EFNA5: variants seen among roughly 807,000 people sequenced by gnomAD.
EFNA5 encodes the protein ephrin A5, also known as ephrin-A5.
A neutral mutation model predicts 22.9 loss-of-function variants in EFNA5; 5 were observed. That is an observed-to-expected ratio of 0.22 (90% CI 0.11 to 0.46). The LOEUF (loss-of-function observed/expected upper bound fraction) is 0.46, where lower values mean the gene tolerates loss of function less well. EFNA5 is among the 20% of genes least tolerant of loss of function. EFNA5 has a pLI of 0.99. For missense variants in EFNA5, 237 were observed against 293.3 expected, an observed-to-expected ratio of 0.81 and a Z score of 1.40; for synonymous variants, 113 against 112.2, an observed-to-expected ratio of 1.01 and a Z score of -0.04.
chr5:107,499,030 G>A (rs1038797414), intron 1 of EFNA5, among the ~76,000 whole-genome samples: 5 of 151,702 alleles, frequency 3.3e-5, no homozygotes, highest in African/African-American at 9.7e-5. Flanking sequence ...CTTTTACTGT[G>A]AGATTTCCAT....
chr5:107,510,472 A>C (rs545613228), intron 1 of EFNA5, among the ~76,000 whole-genome samples: 8 of 152,160 alleles, frequency 5.3e-5, no homozygotes, highest in Admixed American at 3.3e-4. Context: ...TTATTCCTTT[A>C]CTTTCCTTTC....
At chr5:107,454,908 G>A (rs1561393681) in intron 1 of EFNA5, among the ~76,000 whole-genome samples, 1 of 152,160 alleles carries the variant, frequency 6.6e-6, no homozygotes, top group East Asian at 1.9e-4. Context: ...AGAGAGGGAA[G>A]GAAGCTTTTA....
At chr5:107,577,116 A>G (rs916005889) in intron 1 of EFNA5, among the ~76,000 whole-genome samples, 3 of 152,210 alleles carry the variant, frequency 2.0e-5, no homozygotes, top group African/African-American at 7.2e-5. Context: ...AGATTGTGAA[A>G]TGTAAATCAG....
intron 1 of EFNA5, among the ~76,000 whole-genome samples, chr5:107,580,739 AAGAAAAG>A (rs1319418026): frequency 4.6e-4 from 64 of 140,522 alleles, no homozygotes; most frequent in South Asian, 6.5e-4. Context: ...AAAAAAAAAA[AAGAAAAG>A]AAAAGAAAAG....
chr5:107,413,137 A>C (rs377125306), intron 2 of EFNA5, among the ~76,000 whole-genome samples: 155 of 152,216 alleles, frequency 1.0e-3, no homozygotes, highest in African/African-American at 3.7e-3. Context: ...CAACTCTCCA[A>C]ACCTAATGAA....
At chr5:107,643,309 G>A (rs1338449242) in intron 1 of EFNA5, among the ~76,000 whole-genome samples, 1 of 152,184 alleles carries the variant, frequency 6.6e-6, no homozygotes, top group Non-Finnish European at 1.5e-5. Flanking sequence ...GCTGGTCATA[G>A]ATTCAAATCC....
intron 1 of EFNA5, among the ~76,000 whole-genome samples, chr5:107,647,624 T>G (rs140797825): frequency 6.6e-6 from 1 of 152,150 alleles, no homozygotes; most frequent in East Asian, 1.9e-4. Flanking sequence ...AACAAGGAAA[T>G]GAAAAACATT....
chr5:107,397,270 G>C (rs140372234), intron 2 of EFNA5, among the ~76,000 whole-genome samples: 2 of 152,238 alleles, frequency 1.3e-5, no homozygotes, highest in East Asian at 1.9e-4. Context: ...AACAAAACAG[G>C]CTGGGCGTGG....
chr5:107,618,006 CA>C (rs894918661), intron 1 of EFNA5, among the ~76,000 whole-genome samples: 1 of 150,254 alleles, frequency 6.7e-6, no homozygotes. Flanking sequence ...CTGTTTAAAA[CA>C]AAAAAAATCA....
intron 1 of EFNA5, among the ~76,000 whole-genome samples, chr5:107,578,030 T>C (rs1377968679): frequency 1.3e-5 from 2 of 152,208 alleles, no homozygotes; most frequent in African/African-American, 2.4e-5. Context: ...TTCTCAACTT[T>C]TGGTGAGGCC....
chr5:107,605,761 C>T (rs1162914594), intron 1 of EFNA5, among the ~76,000 whole-genome samples: 1 of 152,134 alleles, frequency 6.6e-6, no homozygotes, highest in African/African-American at 2.4e-5. Context: ...TTACAAGAAC[C>T]TCCCTTTTCC....
chr5:107,577,124 C>T (rs1045578338), intron 1 of EFNA5, among the ~76,000 whole-genome samples: 1 of 152,170 alleles, frequency 6.6e-6, no homozygotes, highest in Non-Finnish European at 1.5e-5. Context: ...AAATGTAAAT[C>T]AGAATACCTT....
intron 1 of EFNA5, among the ~76,000 whole-genome samples, chr5:107,642,100 A>G (rs1211658374): frequency 1.3e-5 from 2 of 152,222 alleles, no homozygotes; most frequent in Admixed American, 1.3e-4. Context: ...TCAATGACTT[A>G]GTAAAATCAT....
chr5:107,520,324 C>G lies in EFNA5; in HGVS notation c.126-92815G>C, dbSNP rs145501977. Among the ~76,000 whole-genome samples the G allele has an allele frequency of 2.0e-5, 3 of 152,298 alleles. No homozygotes were observed. In the East Asian group the frequency reaches 5.8e-4, roughly 29 times the overall value. The stretch of plus-strand genomic sequence containing the variant: ...AGTGAGAAAAGGGTGGGGCCCTTCA[C>G]TCTCAATACAATAAAGTCCTCTTAA... On this transcript the variant is annotated intron_variant, in intron 1 of 4. Transcript: ENST00000333274.
chr5:107,656,442 T>A (rs12514246), intron 1 of EFNA5, among the ~76,000 whole-genome samples: 1 of 152,056 alleles, frequency 6.6e-6, no homozygotes, highest in Non-Finnish European at 1.5e-5. Flanking sequence ...GAACAACATA[T>A]ATTACAAAAT....
intron 1 of EFNA5, among the ~76,000 whole-genome samples, chr5:107,532,673 G>A (rs1747838715): frequency 1.3e-5 from 2 of 152,332 alleles, no homozygotes; most frequent in Non-Finnish European, 2.9e-5. Context: ...CCGAATCTGA[G>A]TGAGGAAGGC....
At chr5:107,487,066 T>C (rs1746649115) in intron 1 of EFNA5, among the ~76,000 whole-genome samples, 1 of 152,176 alleles carries the variant, frequency 6.6e-6, no homozygotes, top group Non-Finnish European at 1.5e-5. Context: ...ACAACTTCCT[T>C]AGCATAGGGT....
At chr5:107,644,410 T>C in intron 1 of EFNA5, among the ~76,000 whole-genome samples, 1 of 152,218 alleles carries the variant, frequency 6.6e-6, no homozygotes. Context: ...GTTTCAAAAA[T>C]TATTTATTCA....
chr5:107,384,211 G>A (rs1747546989), intron 4 of EFNA5, among the ~76,000 whole-genome samples: 1 of 152,152 alleles, frequency 6.6e-6, no homozygotes, highest in Admixed American at 6.5e-5. Flanking sequence ...AATTTCTAAC[G>A]CTTGTAACAC....
Sources: allele counts gnomAD v4.1 joint callset (sites outside exome capture counted in the v4.1 genomes callset), GRCh38; gene constraint gnomAD v4.1.1; transcripts MANE v1.5; gene names NCBI Gene and HGNC (gene_info 2026-07-23, HGNC 2026-07-21).